SPEF2: variants seen among roughly 807,000 people sequenced by gnomAD.
The protein encoded by SPEF2 is sperm flagella and cilia-associated protein 2.
Under a neutral mutation model 224.6 loss-of-function variants are expected in SPEF2, and 187 were observed. The ratio of observed to expected loss-of-function variants is 0.83; its 90% confidence interval spans 0.74 to 0.94. The LOEUF (loss-of-function observed/expected upper bound fraction) is 0.94, where lower values mean the gene tolerates loss of function less well. SPEF2 is among the 40% of genes least tolerant of loss of function. The probability of loss-of-function intolerance (pLI) is 0.00; values close to 1 mark genes in which losing one functional copy is unlikely to be tolerated. For missense variants in SPEF2, 2,170 were observed against 2,135.6 expected (o/e 1.02, Z -0.32); for synonymous variants, 715 against 707.3 (o/e 1.01, Z -0.17).
At chr5:35,640,510 ATGT>A (rs1387080911) in intron 2 of SPEF2, among the ~76,000 whole-genome samples, 1 of 152,136 alleles carries the variant, frequency 6.6e-6, no homozygotes, top group Non-Finnish European at 1.5e-5. Flanking sequence ...TTTTAGACAA[ATGT>A]TGTATCTCCA....
At chr5:35,720,875 T>C (rs1451482677) in intron 20 of SPEF2, among the ~76,000 whole-genome samples, 1 of 152,190 alleles carries the variant, frequency 6.6e-6, no homozygotes, top group East Asian at 1.9e-4. Context: ...GAAGATAATT[T>C]TGATACTGAA....
intron 9 of SPEF2, among the ~76,000 whole-genome samples, chr5:35,667,562 T>G (rs1241233916): frequency 6.6e-6 from 1 of 152,166 alleles, no homozygotes. Context: ...TTGGGTTCTA[T>G]GACTAGGCAA....
chr5:35,688,086 G>A (rs1383930796), intron 10 of SPEF2, among the ~76,000 whole-genome samples: 2 of 152,138 alleles, frequency 1.3e-5, no homozygotes. Context: ...AACTTCCAAA[G>A]AAAATCACCG....
At chr5:35,682,994 A>C (rs753945025) in intron 10 of SPEF2, among the ~76,000 whole-genome samples, 5 of 152,180 alleles carry the variant, frequency 3.3e-5, no homozygotes, top group Admixed American at 1.3e-4. Flanking sequence ...ACCCACATTC[A>C]AGCATGTTTG....
rs376188111 is a variant in SPEF2 at position 35,751,096 on chromosome 5, C to CATAT, written c.3331-2509_3331-2506dup. Reference sequence around the variant, plus strand: ...ATATATATACACACACACACACACACATATATATATATATATATATATGAT... The same window carrying CATAT: ...ATATATATACACACACACACACACACATATATATATATATATATATATATATGAT... On this transcript the variant is annotated intron_variant, in intron 23 of 36. Transcript: ENST00000356031. 2.0e-3 allele frequency among the ~76,000 whole-genome samples: 60 copies of CATAT among 30,578 alleles called. 1 individual carries two copies. The highest frequency in any genetic ancestry group is 4.6e-3 in the South Asian group (3 of 654). 20.1% of individuals were successfully genotyped at this position (30,578 alleles called of 152,430 possible).
intron 10 of SPEF2, among the ~76,000 whole-genome samples, chr5:35,689,417 C>T (rs1754120161): frequency 6.6e-6 from 1 of 152,096 alleles, no homozygotes; most frequent in Non-Finnish European, 1.5e-5. Flanking sequence ...AAGTATATTG[C>T]ATGATGCTAT....
chr5:35,784,953 G>A (rs896129492), intron 30 of SPEF2, among the ~76,000 whole-genome samples: 6 of 152,180 alleles, frequency 3.9e-5, no homozygotes, highest in Non-Finnish European at 8.8e-5. Flanking sequence ...TGCCTGAAAG[G>A]AGTAACTAGA....
At chr5:35,729,534 T>C (rs1249409000) in intron 21 of SPEF2, among the ~76,000 whole-genome samples, 2 of 152,138 alleles carry the variant, frequency 1.3e-5, no homozygotes, top group Non-Finnish European at 2.9e-5. Context: ...ACATGGAAGA[T>C]GTGCAACACA....
intron 33 of SPEF2, among the ~76,000 whole-genome samples, chr5:35,798,385 T>C (rs994596041): frequency 9.9e-5 from 15 of 152,280 alleles, no homozygotes; most frequent in Admixed American, 8.5e-4. Flanking sequence ...ATGCAAGGCC[T>C]GCCCCGACCT....
intron 17 of SPEF2, among the ~76,000 whole-genome samples, chr5:35,705,416 AG>A (rs964071504): frequency 1.3e-5 from 2 of 151,896 alleles, no homozygotes; most frequent in African/African-American, 4.8e-5. Flanking sequence ...TCCTACTAAA[AG>A]TTTTCCTGAA....
chr5:35,795,596 G>T, intron 32 of SPEF2, 107 bp from the exon 33 acceptor site: 1 of 842,676 alleles, frequency 1.2e-6, no homozygotes, highest in Non-Finnish European at 1.8e-6. Context: ...ATCCTACTTG[G>T]GAGACAACTG....
chr5:35,803,678 G>C (rs573947247), intron 34 of SPEF2, among the ~76,000 whole-genome samples: 1 of 152,234 alleles, frequency 6.6e-6, no homozygotes, highest in African/African-American at 2.4e-5. Flanking sequence ...TTTCCACTGT[G>C]TTCCAGTTTC....
intron 2 of SPEF2, among the ~76,000 whole-genome samples, chr5:35,633,493 T>C (rs1745411653): frequency 6.6e-6 from 1 of 152,110 alleles, no homozygotes; most frequent in Non-Finnish European, 1.5e-5. Flanking sequence ...TGTTTTTCCA[T>C]CCTTTTACTT....
chr5:35,635,501 A>G (rs1207779827), intron 2 of SPEF2, among the ~76,000 whole-genome samples: 2 of 152,206 alleles, frequency 1.3e-5, no homozygotes, highest in Admixed American at 1.3e-4. Context: ...AACAAAAGAC[A>G]TCATTCTATT....
At chr5:35,707,669 A>G (rs747626087) in intron 18 of SPEF2, among the ~76,000 whole-genome samples, 4 of 152,158 alleles carry the variant, frequency 2.6e-5, no homozygotes, top group Non-Finnish European at 4.4e-5. Context: ...GTGAAACTGC[A>G]TCATGCAAGG....
chr5:35,721,856 C>T (rs1224800897), intron 20 of SPEF2, among the ~76,000 whole-genome samples: 2 of 152,150 alleles, frequency 1.3e-5, no homozygotes, highest in African/African-American at 2.4e-5. Flanking sequence ...TATTGCTAAA[C>T]AAAGCCTTGC....
intron 34 of SPEF2, among the ~76,000 whole-genome samples, chr5:35,802,850 A>G (rs1246639162): frequency 1.3e-5 from 2 of 152,180 alleles, no homozygotes; most frequent in African/African-American, 2.4e-5. Context: ...CTTTAACTCT[A>G]TGCAGGATGA....
intron 36 of SPEF2, among the ~76,000 whole-genome samples, chr5:35,812,478 T>G (rs564070278): frequency 7.8e-4 from 119 of 152,316 alleles, no homozygotes; most frequent in African/African-American, 2.8e-3. Context: ...GAAAATGATT[T>G]GTATAAATAT....
intron 2 of SPEF2, among the ~76,000 whole-genome samples, chr5:35,636,156 A>T (rs765910788): frequency 6.6e-6 from 1 of 152,104 alleles, no homozygotes; most frequent in African/African-American, 2.4e-5. Flanking sequence ...CTAATTCTGT[A>T]AAGTCTATGT....
Sources: gnomAD v4.1 joint callset for allele counts (sites outside exome capture counted in the v4.1 genomes callset) on GRCh38, gnomAD v4.1.1 for gene constraint, MANE v1.5 for transcripts, NCBI Gene and HGNC (gene_info 2026-07-23, HGNC 2026-07-21) for gene names.